Variants in VEGFC observed in about 807,000 individuals in gnomAD.
The protein encoded by VEGFC is vascular endothelial growth factor C, also known as FLT4 ligand DHM.
A neutral mutation model predicts 46.1 loss-of-function variants in VEGFC; 12 were observed. That is an observed-to-expected ratio of 0.26 (90% CI 0.17 to 0.42). The LOEUF is 0.42. Among genes scored for constraint, VEGFC ranks in the 10% least tolerant of loss-of-function variants. The pLI, the probability that VEGFC is intolerant of heterozygous loss-of-function variation, is 1.00. For missense variants in VEGFC, 488 were observed against 529.4 expected, an observed-to-expected ratio of 0.92 and a Z score of 0.77; for synonymous variants, 232 against 195.5, an observed-to-expected ratio of 1.19 and a Z score of -1.56.
intron 1 of VEGFC, among the ~76,000 whole-genome samples, chr4:176,737,259 TAATAAA>T (rs1735071486): frequency 7.6e-6 from 1 of 131,512 alleles, no homozygotes; most frequent in African/African-American, 2.6e-5. Context: ...TGTTAAATGT[TAATAAA>T]TATAGAATAT....
At chr4:176,743,829 T>C (rs1032586654) in intron 1 of VEGFC, among the ~76,000 whole-genome samples, 1 of 151,930 alleles carries the variant, frequency 6.6e-6, no homozygotes, top group African/African-American at 2.4e-5. Flanking sequence ...TTCTAACCTC[T>C]TCATAATACC....
At chr4:176,746,444 A>C (rs921127407) in intron 1 of VEGFC, among the ~76,000 whole-genome samples, 1 of 152,072 alleles carries the variant, frequency 6.6e-6, no homozygotes, top group African/African-American at 2.4e-5. Flanking sequence ...TTGGCTATGC[A>C]GTTTTTATTT....
At chr4:176,722,849 T>C (rs1019804106) in intron 3 of VEGFC, among the ~76,000 whole-genome samples, 1 of 152,094 alleles carries the variant, frequency 6.6e-6, no homozygotes, top group African/African-American at 2.4e-5. Flanking sequence ...TCCCTCTTGA[T>C]AGAGCAATTT....
At chr4:176,773,211 T>C (rs1735751352) in intron 1 of VEGFC, among the ~76,000 whole-genome samples, 1 of 152,202 alleles carries the variant, frequency 6.6e-6, no homozygotes, top group Non-Finnish European at 1.5e-5. Context: ...ATCAGCCATG[T>C]TGTGACCACG....
chr4:176,786,151 T>C (rs1208706376), intron 1 of VEGFC, among the ~76,000 whole-genome samples: 8 of 152,188 alleles, frequency 5.3e-5, no homozygotes, highest in Non-Finnish European at 1.2e-4. Flanking sequence ...TCTGGTCAGC[T>C]TTCTTAGACA....
intron 1 of VEGFC, among the ~76,000 whole-genome samples, chr4:176,735,111 C>T (rs1405019766): frequency 6.6e-6 from 1 of 151,760 alleles, no homozygotes; most frequent in Non-Finnish European, 1.5e-5. Flanking sequence ...GTTTCATCTC[C>T]TCTGGGAACT....
At chr4:176,752,499 A>G (rs958106984) in intron 1 of VEGFC, among the ~76,000 whole-genome samples, 1 of 152,092 alleles carries the variant, frequency 6.6e-6, no homozygotes, top group African/African-American at 2.4e-5. Context: ...TGCCTGTAGG[A>G]TGAAGGGATA....
intron 1 of VEGFC, among the ~76,000 whole-genome samples, chr4:176,733,835 T>G (rs937508956): frequency 6.6e-6 from 1 of 151,778 alleles, no homozygotes; most frequent in African/African-American, 2.4e-5. Flanking sequence ...TCTAAAAACT[T>G]AAACCCAAAG....
intron 3 of VEGFC, among the ~76,000 whole-genome samples, chr4:176,716,584 G>GAAAAAAAAAAAAAAA (rs57274087): frequency 6.9e-5 from 3 of 43,750 alleles, no homozygotes; most frequent in African/African-American, 1.0e-4. Context: ...CTCCCTCTCC[G>GAAAAAAAAAAAAAAA]AAAAAAAAAA....
chr4:176,712,420 CA>C (rs1263475305), intron 3 of VEGFC, among the ~76,000 whole-genome samples: 1 of 152,054 alleles, frequency 6.6e-6, no homozygotes, highest in African/African-American at 2.4e-5. Context: ...CTTCCTTCTC[CA>C]AAAACAATGT....
chr4:176,712,590 A>G (rs1028937114), intron 3 of VEGFC, among the ~76,000 whole-genome samples: 1 of 152,170 alleles, frequency 6.6e-6, no homozygotes, highest in Non-Finnish European at 1.5e-5. Flanking sequence ...ATTTAACTAT[A>G]ATTGATCCAT....
intron 4 of VEGFC, among the ~76,000 whole-genome samples, chr4:176,701,490 A>G (rs1734432286): frequency 6.6e-6 from 1 of 152,192 alleles, no homozygotes; most frequent in Non-Finnish European, 1.5e-5. Context: ...AGCAAGCCAT[A>G]GGAACGCTGT....
chr4:176,771,706 A>C lies in VEGFC; in HGVS notation c.147+20459T>G, dbSNP rs560670807. 1.7e-4 allele frequency among the ~76,000 whole-genome samples: 26 copies of C among 152,322 alleles called. No homozygotes were observed. In the South Asian group the frequency reaches 2.1e-3, roughly 12 times the overall value. On this transcript the variant is annotated intron_variant, in intron 1 of 6. Coordinates refer to ENST00000618562, the MANE Select transcript of VEGFC (RefSeq NM_005429.5). The stretch of plus-strand genomic sequence containing the variant: ...TGCTGTGGACACGCCACTTGGAAGG[A>C]GGAACCACTGTTTTTCCTCTGTGAG...
chr4:176,719,704 T>C (rs1362857353), intron 3 of VEGFC, among the ~76,000 whole-genome samples: 2 of 152,198 alleles, frequency 1.3e-5, no homozygotes, highest in Admixed American at 6.5e-5. Flanking sequence ...AGCATGCTTT[T>C]AGTACATAAT....
chr4:176,711,936 G>A (rs923468033), intron 3 of VEGFC, among the ~76,000 whole-genome samples: 1 of 152,066 alleles, frequency 6.6e-6, no homozygotes, highest in South Asian at 2.1e-4. Flanking sequence ...AGACGTGACA[G>A]AACAATGTGT....
intron 6 of VEGFC, among the ~76,000 whole-genome samples, chr4:176,686,073 A>G (rs1734036965): frequency 6.6e-6 from 1 of 152,248 alleles, no homozygotes; most frequent in East Asian, 1.9e-4. Context: ...GAATGGATGT[A>G]AAAAGAGAAT....
At chr4:176,774,752 A>G (rs1478740775) in intron 1 of VEGFC, among the ~76,000 whole-genome samples, 2 of 151,566 alleles carry the variant, frequency 1.3e-5, no homozygotes, top group Non-Finnish European at 2.9e-5. Context: ...TGGCACTTGT[A>G]TACATATGTA....
At chr4:176,700,960 T>C (rs73007552) in intron 4 of VEGFC, among the ~76,000 whole-genome samples, 7,037 of 152,160 alleles carry the variant, frequency 0.046, 310 homozygotes, top group Admixed American at 0.11. Context: ...GGAGGAGAAA[T>C]GAACAGGCGG....
Position 176,687,411 on chromosome 4 carries a change from G to A in VEGFC, c.921C>T (p.His307=). The A allele has an allele frequency of 6.2e-7, 1 of 1,614,142 alleles. No individual in the cohort carries two copies. Among genetic ancestry groups the A allele is most frequent in the Non-Finnish European group, 8.5e-7 (1 of 1,180,022 alleles). ...GGCATGAGTTTCTGTCTAGTTCTTT[G>A]TGGGGTCCACAGCTGGCAGGCCGAA... ...AGLRPASCGP[H]KELDRNSCQC... Residue 307 remains histidine, a synonymous_variant, in exon 6 of 7, where the codon CAC becomes CAT. Transcript: ENST00000618562.
Sources: gnomAD v4.1 joint callset for allele counts (sites outside exome capture counted in the v4.1 genomes callset) on GRCh38, gnomAD v4.1.1 for gene constraint, MANE v1.5 for transcripts, NCBI Gene and HGNC (gene_info 2026-07-23, HGNC 2026-07-21) for gene names.